PAICS: variants seen among roughly 807,000 people sequenced by gnomAD.
The protein encoded by PAICS is phosphoribosylaminoimidazole carboxylase and phosphoribosylaminoimidazolesuccinocarboxamide synthase.
A neutral mutation model predicts 53.7 loss-of-function variants in PAICS; 33 were observed. The ratio of observed to expected loss-of-function variants is 0.61; its 90% CI spans 0.47 to 0.82. The LOEUF (loss-of-function observed/expected upper bound fraction) is 0.82. Ranked by LOEUF, PAICS falls within the 40% of genes least tolerant of loss-of-function variation. PAICS has a pLI of 0.00. For synonymous variants in PAICS, 141 were observed against 167.2 expected (o/e 0.84, Z 1.21); for missense variants, 394 against 494.1 (o/e 0.80, Z 1.92).
the PAICS span, among the ~76,000 whole-genome samples, chr4:56,417,835 G>GTTTTTTTTTTTT: frequency 1.2e-4 from 12 of 102,518 alleles, 1 homozygote; most frequent in African/African-American, 4.2e-4. Context: ...TGAAGATTTG[G>GTTTTTTTTTTTT]TTTTTTGTTT....
At chr4:56,419,565 T>A in the PAICS span, 1 of 533,206 alleles carries the variant, frequency 1.9e-6, no homozygotes, top group Admixed American at 6.4e-5. Flanking sequence ...TTATTTACCT[T>A]GTCTGATGTA....
At chr4:56,448,321 A>G in intron 3 of PAICS, 97 bp from the exon 4 acceptor site, 1 of 827,550 alleles carries the variant, frequency 1.2e-6, no homozygotes, top group Non-Finnish European at 1.8e-6. Flanking sequence ...AAAAATTTCT[A>G]AGGAGTTCAT....
chr4:56,438,382 T>TATATATATATATATATATATATAA (rs1465471007), intron 1 of PAICS, among the ~76,000 whole-genome samples: 1 of 67,710 alleles, frequency 1.5e-5, no homozygotes, highest in Non-Finnish European at 2.7e-5. Context: ...TATATATATA[T>TATATATATATATATATATATATAA]ATATATATAT....
the PAICS span, among the ~76,000 whole-genome samples, chr4:56,415,162 A>G: frequency 3.3e-5 from 5 of 152,216 alleles, no homozygotes; most frequent in African/African-American, 1.2e-4. Context: ...CACACCTAAA[A>G]GTTGATATAT....
the PAICS span, among the ~76,000 whole-genome samples, chr4:56,427,469 T>G: frequency 6.6e-6 from 1 of 152,126 alleles, no homozygotes; most frequent in African/African-American, 2.4e-5. Flanking sequence ...ATCACCATCT[T>G]TTAAAAATTA....
chr4:56,420,651 C>G, the PAICS span: 1 of 152,028 alleles, frequency 6.6e-6, no homozygotes, highest in Non-Finnish European at 1.5e-5. Flanking sequence ...AAATATGCAA[C>G]CCCAGATGGC....
rs913631677 is a variant in PAICS at position 56,460,539 on chromosome 4, C to G, written c.*1001C>G. 6.6e-6 allele frequency: 1 copy of G among 152,264 alleles called. No homozygotes were observed. Among genetic ancestry groups the G allele is most frequent in the African/African-American group, 2.4e-5 (1 of 41,466 alleles). The allele number at this position is 152,264 out of a possible 1,614,324, so 9.4% of individuals were successfully genotyped here. A position where few individuals can be genotyped will look rare whatever the true frequency, so the allele number is the denominator to read the frequency against. On this transcript the variant is annotated 3_prime_UTR_variant, in exon 9 of 9. Transcript: ENST00000512576. ...GCCCAAGGACTTCTAACAATAAACT[C>G]TCTTTTGCACCACAGACTTCTTTGA...
chr4:56,442,490 A>G (rs908159596), intron 2 of PAICS, among the ~76,000 whole-genome samples: 1 of 152,172 alleles, frequency 6.6e-6, no homozygotes, highest in African/African-American at 2.4e-5. Context: ...AAGGGAAGGA[A>G]ATTAGGATAA....
intron 2 of PAICS, among the ~76,000 whole-genome samples, chr4:56,444,515 T>C (rs1343241708): frequency 1.3e-5 from 2 of 152,192 alleles, no homozygotes; most frequent in African/African-American, 4.8e-5. Context: ...CTAGAATTAC[T>C]ATTCTAGCTA....
chr4:56,421,771 C>T, the PAICS span: 1 of 152,194 alleles, frequency 6.6e-6, no homozygotes, highest in Non-Finnish European at 1.5e-5. Flanking sequence ...AGCAGCCCAA[C>T]AGCAGTGGCA....
chr4:56,436,004 G>A (rs1260814699), upstream of PAICS: 8 of 1,526,210 alleles, frequency 5.2e-6, no homozygotes, highest in Admixed American at 8.8e-5. Flanking sequence ...AGTGGGGAGG[G>A]GCCGCCAGTG....
the PAICS span, chr4:56,410,943 T>C: frequency 1.0e-6 from 1 of 975,430 alleles, no homozygotes; most frequent in Admixed American, 6.2e-5. Context: ...AGTACTCTTG[T>C]TTTTCTTTTG....
rs2110103366 is a variant in PAICS, at chr4:56,460,293, T to C, written c.*755T>C. On this transcript the variant is annotated 3_prime_UTR_variant, in exon 9 of 9. Transcript: ENST00000512576. Reference sequence around the variant, plus strand: ...CATCTTCCAAGCCTGTAGCTCTTGGTATACTCACTGTTGCAAGTCAGAAGC... The same window carrying C: ...CATCTTCCAAGCCTGTAGCTCTTGGCATACTCACTGTTGCAAGTCAGAAGC... 1 of 152,316 alleles carries C rather than the reference T, an allele frequency of 6.6e-6. No individual in the cohort carries two copies. The highest frequency in any genetic ancestry group is 2.4e-5 in the African/African-American group (1 of 41,584). 9.4% of individuals were successfully genotyped at this position (152,316 alleles called of 1,614,324 possible).
At chr4:56,435,526 A>G, upstream of PAICS, 1 of 1,611,854 alleles carries the variant, frequency 6.2e-7, no homozygotes. Context: ...GCCAAGGTGT[A>G]AGCACCAACC....
At chr4:56,433,768 C>G (rs1433290610), upstream of PAICS, among the ~76,000 whole-genome samples, 1 of 151,548 alleles carries the variant, frequency 6.6e-6, no homozygotes, top group Non-Finnish European at 1.5e-5. Flanking sequence ...GATCTCTGCT[C>G]TCTGGAACCT....
chr4:56,433,149 G>A (rs1259402834), upstream of PAICS, among the ~76,000 whole-genome samples: 1 of 151,872 alleles, frequency 6.6e-6, no homozygotes, highest in East Asian at 1.9e-4. Context: ...CCCAAAGGAT[G>A]AGCACTTTAG....
chr4:56,426,412 A>G, the PAICS span, among the ~76,000 whole-genome samples: 1 of 151,994 alleles, frequency 6.6e-6, no homozygotes, highest in African/African-American at 2.4e-5. Context: ...AAAAAAAAAA[A>G]AGAAAGAAAC....
At chr4:56,448,911 T>A in intron 5 of PAICS, 88 bp downstream of exon 5, 1 of 702,010 alleles carries the variant, frequency 1.4e-6, no homozygotes, top group Non-Finnish European at 2.5e-6. Flanking sequence ...AGCAAATTAT[T>A]GTTCCTAATG....
At chr4:56,413,985 A>C in the PAICS span, among the ~76,000 whole-genome samples, 1 of 152,204 alleles carries the variant, frequency 6.6e-6, no homozygotes, top group Non-Finnish European at 1.5e-5. Flanking sequence ...GTAACTTTTA[A>C]TTTGCATTTG....
Sources: allele counts gnomAD v4.1 joint callset (sites outside exome capture counted in the v4.1 genomes callset), GRCh38; gene constraint gnomAD v4.1.1; transcripts MANE v1.5; gene names NCBI Gene and HGNC (gene_info 2026-07-23, HGNC 2026-07-21).